CCDC171: variants seen among roughly 807,000 people sequenced by gnomAD.
CCDC171 encodes coiled-coil domain containing 171.
A neutral mutation model predicts 168.2 loss-of-function variants in CCDC171; 177 were observed. The ratio of observed to expected loss-of-function variants is 1.05; its 90% CI spans 0.93 to 1.19. CCDC171 has a LOEUF of 1.19. CCDC171 is among the 50% of genes most tolerant of loss of function. The pLI is 0.00. For missense variants in CCDC171, 1,991 were observed against 1,539.0 expected (o/e 1.29, Z -4.91); for synonymous variants, 687 against 540.8 (o/e 1.27, Z -3.75).
At chr9:15,693,937 A>G (rs931255419) in intron 10 of CCDC171, among the ~76,000 whole-genome samples, 1 of 152,120 alleles carries the variant, frequency 6.6e-6, no homozygotes, top group African/African-American at 2.4e-5. Context: ...AAAAAAATTC[A>G]GGCTTACTCC....
chr9:15,633,256 G>T (rs441562), intron 7 of CCDC171, among the ~76,000 whole-genome samples: 140,207 of 152,120 alleles, frequency 0.92, 64,829 homozygotes, highest in African/African-American at 0.98. Context: ...TGGGAGAAAA[G>T]TTTTGCAACC....
chr9:16,011,091 T>C (rs1050145483), intron 3 of CCDC171, among the ~76,000 whole-genome samples: 18 of 152,212 alleles, frequency 1.2e-4, no homozygotes, highest in African/African-American at 4.3e-4. Flanking sequence ...AGAAGCCTCT[T>C]TAATGGCTCA....
chr9:15,676,161 G>A (rs901858120), intron 9 of CCDC171, among the ~76,000 whole-genome samples: 6 of 151,820 alleles, frequency 4.0e-5, no homozygotes, highest in East Asian at 1.9e-4. Context: ...CCACTTGATC[G>A]AATTGGCTAT....
chr9:15,725,044 A>T, intron 14 of CCDC171, 68 bp downstream of exon 14: 1 of 1,109,640 alleles, frequency 9.0e-7, no homozygotes, highest in East Asian at 2.4e-5. Context: ...ACATCAAGTG[A>T]CTATTTTTAC....
At chr9:16,102,350 T>A in the CCDC171 span, among the ~76,000 whole-genome samples, 1 of 152,262 alleles carries the variant, frequency 6.6e-6, no homozygotes, top group East Asian at 1.9e-4. Context: ...CAGGGAGGAT[T>A]GCGGGGGATG....
intron 6 of CCDC171, among the ~76,000 whole-genome samples, chr9:15,621,392 G>T (rs2044494311): frequency 1.3e-5 from 2 of 152,300 alleles, no homozygotes; most frequent in South Asian, 4.1e-4. Context: ...AAAAATTGAT[G>T]TGACTCACTT....
At chr9:15,590,086 A>G (rs2131427203) in intron 4 of CCDC171, among the ~76,000 whole-genome samples, 1 of 152,346 alleles carries the variant, frequency 6.6e-6, no homozygotes, top group South Asian at 2.1e-4. Flanking sequence ...AGCTTTCACG[A>G]GAAAAGAAAA....
intron 1 of CCDC171, among the ~76,000 whole-genome samples, chr9:16,046,266 C>T (rs1833657357): frequency 1.3e-5 from 2 of 152,068 alleles, no homozygotes; most frequent in South Asian, 2.1e-4. Context: ...AAATGGGGTC[C>T]GGAGTGTGGG....
At chr9:15,997,800 A>G (rs1832417619) in intron 3 of CCDC171, among the ~76,000 whole-genome samples, 1 of 152,166 alleles carries the variant, frequency 6.6e-6, no homozygotes, top group Non-Finnish European at 1.5e-5. Flanking sequence ...ATTCACTGTC[A>G]GAACTTGGCA....
At chr9:15,735,911 G>C (rs964304190) in intron 16 of CCDC171, among the ~76,000 whole-genome samples, 4 of 152,142 alleles carry the variant, frequency 2.6e-5, no homozygotes. Flanking sequence ...AATTGTTTTT[G>C]TTAATTATAA....
intron 9 of CCDC171, among the ~76,000 whole-genome samples, chr9:15,676,471 C>T (rs148401090): frequency 1.1e-4 from 16 of 151,646 alleles, no homozygotes; most frequent in African/African-American, 3.1e-4. Flanking sequence ...CCATCTTCTG[C>T]GTTGATCTCT....
In CCDC171 at chr9:15,638,230, T is replaced by C. The variant is rs185254417; in HGVS notation, c.822+14817T>C. ...CTTTAGTCTTCTAAGTTACCTATGA[T>C]TTCTCATATTTAGATTCTTTTTAAA... On this transcript the variant is annotated intron_variant, in intron 7 of 25. Coordinates refer to ENST00000380701, the MANE Select transcript of CCDC171 (RefSeq NM_173550.4). Among the ~76,000 whole-genome samples the C allele has an allele frequency of 7.2e-5, 11 of 152,332 alleles. No homozygotes were observed. In the East Asian group the frequency reaches 2.1e-3, roughly 29 times the overall value.
At chr9:15,687,281 A>G (rs184370664) in intron 10 of CCDC171, among the ~76,000 whole-genome samples, 1 of 152,116 alleles carries the variant, frequency 6.6e-6, no homozygotes, top group Admixed American at 6.6e-5. Context: ...GAAACTTACA[A>G]CCATAGTCAT....
intron 21 of CCDC171, among the ~76,000 whole-genome samples, chr9:15,825,712 G>C (rs534156968): frequency 6.6e-6 from 1 of 152,116 alleles, no homozygotes; most frequent in South Asian, 2.1e-4. Context: ...GAAGAAAATT[G>C]GTTAAAATAT....
intron 10 of CCDC171, among the ~76,000 whole-genome samples, chr9:15,685,270 TC>T (rs2050308398): frequency 1.3e-5 from 2 of 152,190 alleles, no homozygotes; most frequent in Non-Finnish European, 2.9e-5. Flanking sequence ...CTGTTTTCAT[TC>T]TCAAATTCCT....
chr9:15,798,153 A>C (rs916792469), intron 21 of CCDC171, among the ~76,000 whole-genome samples: 1 of 152,094 alleles, frequency 6.6e-6, no homozygotes, highest in Admixed American at 6.6e-5. Flanking sequence ...ATTTCTATAC[A>C]AGTTTTAGAA....
intron 18 of CCDC171, among the ~76,000 whole-genome samples, chr9:15,747,878 A>T (rs1291810786): frequency 6.6e-6 from 1 of 152,196 alleles, no homozygotes; most frequent in Non-Finnish European, 1.5e-5. Context: ...GCAAGGGAAC[A>T]AAATTAGACT....
At chr9:15,831,533 C>T (rs1389776900) in intron 21 of CCDC171, among the ~76,000 whole-genome samples, 2 of 152,040 alleles carry the variant, frequency 1.3e-5, no homozygotes, top group Non-Finnish European at 2.9e-5. Context: ...TTGACTGTCA[C>T]CTTGGAATTT....
intron 25 of CCDC171, among the ~76,000 whole-genome samples, chr9:15,926,942 T>G (rs1443868506): frequency 6.6e-6 from 1 of 151,646 alleles, no homozygotes; most frequent in Non-Finnish European, 1.5e-5. Context: ...TTACCATTAC[T>G]TGTTGTTGTT....
Sources: allele counts gnomAD v4.1 joint callset (sites outside exome capture counted in the v4.1 genomes callset), GRCh38; gene constraint gnomAD v4.1.1; transcripts MANE v1.5; gene names NCBI Gene and HGNC (gene_info 2026-07-23, HGNC 2026-07-21).